Variants in KLRG1 observed in about 807,000 individuals in gnomAD.
KLRG1 encodes killer cell lectin like receptor G1.
Under a neutral mutation model 21.8 loss-of-function variants are expected in KLRG1, and 16 were observed. The observed-to-expected ratio is 0.73, with a 90% confidence interval of 0.50 to 1.11. The LOEUF is 1.11. Ranked by LOEUF, KLRG1 falls within the 50% of genes most tolerant of loss-of-function variation. The pLI, the probability that KLRG1 is intolerant of heterozygous loss-of-function variation, is 0.00. For missense variants in KLRG1, 173 were observed against 218.3 expected, an observed-to-expected ratio of 0.79 and a Z score of 1.31; for synonymous variants, 69 against 75.9, an observed-to-expected ratio of 0.91 and a Z score of 0.47.
the KLRG1 span, chr12:9,166,179 G>A: frequency 1.2e-6 from 2 of 1,613,150 alleles, no homozygotes; most frequent in Non-Finnish European, 1.7e-6. Flanking sequence ...GGAACATATG[G>A]TCTCTCTACT....
chr12:9,126,883 A>C, the KLRG1 span, among the ~76,000 whole-genome samples: 6 of 152,242 alleles, frequency 3.9e-5, no homozygotes, highest in Non-Finnish European at 8.8e-5. Flanking sequence ...GAAGTGTATT[A>C]GACTTTGCTA....
chr12:9,194,364 C>G, the KLRG1 span: 1 of 769,854 alleles, frequency 1.3e-6, no homozygotes, highest in South Asian at 2.2e-5. Flanking sequence ...CCCCACCAAA[C>G]CTTCATATTT....
the KLRG1 span, among the ~76,000 whole-genome samples, chr12:9,132,082 T>A: frequency 6.6e-6 from 1 of 152,120 alleles, no homozygotes; most frequent in South Asian, 2.1e-4. Flanking sequence ...TAATGGAAAA[T>A]AGATGTGATA....
the KLRG1 span, chr12:9,036,866 G>A: frequency 2.4e-6 from 1 of 422,490 alleles, no homozygotes; most frequent in Non-Finnish European, 4.7e-6. Flanking sequence ...CCAAGTCAAA[G>A]CTGACAAGGA....
chr12:9,113,512 G>A, the KLRG1 span: 2 of 1,613,950 alleles, frequency 1.2e-6, no homozygotes, highest in Non-Finnish European at 1.7e-6. Flanking sequence ...GTCTCAGTGT[G>A]GAGCAGGGAG....
chr12:9,027,730 A>G, the KLRG1 span: 1 of 1,345,104 alleles, frequency 7.4e-7, no homozygotes, highest in East Asian at 2.3e-5. Context: ...ACCACCTCCA[A>G]AATTGCTTCC....
chr12:9,127,583 C>T, the KLRG1 span, among the ~76,000 whole-genome samples: 1 of 152,192 alleles, frequency 6.6e-6, no homozygotes, highest in South Asian at 2.1e-4. Flanking sequence ...GGCAGCGGCT[C>T]CGTGCACTTT....
At chr12:9,119,722 A>C in the KLRG1 span, among the ~76,000 whole-genome samples, 20 of 152,224 alleles carry the variant, frequency 1.3e-4, no homozygotes, top group African/African-American at 4.8e-4. Flanking sequence ...GGATGATCCC[A>C]GAGGGAGGTC....
chr12:9,149,056 G>A, the KLRG1 span: 10 of 1,462,816 alleles, frequency 6.8e-6, no homozygotes, highest in Admixed American at 1.2e-4. Context: ...TCAGTTGAGT[G>A]TGGGCAGCAG....
chr12:9,192,306 C>T, the KLRG1 span: 2 of 1,561,848 alleles, frequency 1.3e-6, no homozygotes, highest in Non-Finnish European at 1.8e-6. Context: ...ACACAGTTCT[C>T]AGCCTTCTAT....
At chr12:9,154,887 T>A in the KLRG1 span, 1 of 1,512,510 alleles carries the variant, frequency 6.6e-7, no homozygotes, top group Non-Finnish European at 9.1e-7. Context: ...AATAAGTAAT[T>A]ATAACTGGTA....
chr12:9,156,935 GTTATT>G, the KLRG1 span, among the ~76,000 whole-genome samples: 1 of 152,028 alleles, frequency 6.6e-6, no homozygotes, highest in African/African-American at 2.4e-5. Flanking sequence ...TTTTTTAAAT[GTTATT>G]TTATTTTAAG....
the KLRG1 span, among the ~76,000 whole-genome samples, chr12:9,173,644 A>G: frequency 6.6e-6 from 1 of 152,322 alleles, no homozygotes; most frequent in East Asian, 1.9e-4. Context: ...TGATAGGGGA[A>G]TATCACCACT....
At chr12:9,088,584 C>T in the KLRG1 span, among the ~76,000 whole-genome samples, 1 of 152,080 alleles carries the variant, frequency 6.6e-6, no homozygotes, top group Non-Finnish European at 1.5e-5. Flanking sequence ...CAGAGAAAGG[C>T]AATGAACCTA....
At chr12:9,172,467 TA>T in the KLRG1 span, among the ~76,000 whole-genome samples, 3 of 152,144 alleles carry the variant, frequency 2.0e-5, no homozygotes, top group Non-Finnish European at 4.4e-5. Context: ...TGACAGGATC[TA>T]ATTCACCCAT....
intron 3 of KLRG1, among the ~76,000 whole-genome samples, chr12:8,997,778 A>G (rs889353753): frequency 6.6e-6 from 1 of 151,912 alleles, no homozygotes; most frequent in African/African-American, 2.4e-5. Context: ...TGTTTTATGT[A>G]TAGTATTCTT....
the KLRG1 span, chr12:9,069,040 C>A: frequency 2.1e-6 from 1 of 476,206 alleles, no homozygotes; most frequent in Non-Finnish European, 3.7e-6. Flanking sequence ...ACTAACATAA[C>A]GCATATACCT....
chr12:8,959,761 C>T (rs1946353662), intron 1 of KLRG1, among the ~76,000 whole-genome samples: 1 of 152,112 alleles, frequency 6.6e-6, no homozygotes, highest in African/African-American at 2.4e-5. Flanking sequence ...TCTTTCGTTA[C>T]ATTTGTCCTG....
At chr12:9,197,632 A>C in the KLRG1 span, among the ~76,000 whole-genome samples, 3 of 71,410 alleles carry the variant, frequency 4.2e-5, no homozygotes, top group East Asian at 1.1e-3. Flanking sequence ...ATATTATATT[A>C]TATATTATAT....
Sources: gnomAD v4.1 joint callset for allele counts (sites outside exome capture counted in the v4.1 genomes callset) on GRCh38, gnomAD v4.1.1 for gene constraint, MANE v1.5 for transcripts, NCBI Gene and HGNC (gene_info 2026-07-23, HGNC 2026-07-21) for gene names.